The following BICRA variants were observed in gnomAD, a reference collection of about 807,000 sequenced individuals.
BICRA encodes BRD4 interacting chromatin remodeling complex associated protein.
A neutral mutation model predicts 96.9 loss-of-function variants in BICRA; 31 were observed. The observed-to-expected ratio is 0.32, with a 90% CI of 0.24 to 0.43. The LOEUF (loss-of-function observed/expected upper bound fraction) is 0.43, where lower values mean the gene tolerates loss of function less well. Ranked by LOEUF, BICRA falls within the 20% of genes least tolerant of loss-of-function variation. BICRA has a pLI of 1.00. For synonymous variants in BICRA, 1,350 were observed against 1,071.8 expected (o/e 1.26, Z -5.07); for missense variants, 2,283 against 2,190.3 (o/e 1.04, Z -0.84).
At position 47,681,071 on chromosome 19, in the gene BICRA, C is replaced by A; in HGVS notation, c.1901C>A (p.Pro634His). 1.4e-6 allele frequency: 2 copies of A among 1,440,624 alleles called. No homozygotes were observed. Among genetic ancestry groups the A allele is most frequent in the Admixed American group, 2.5e-5 (1 of 40,208 alleles). 89.2% of individuals were successfully genotyped at this position (1,440,624 alleles called of 1,614,324 possible). Residue 634 changes from proline to histidine, a missense_variant, in exon 6 of 15, where the codon CCC (proline) becomes CAC (histidine). By Grantham distance (77) the Pro-to-His change is moderately conservative. Transcript: ENST00000594866. ...APQAPPAVSTPLPLGLQQPQA... is the reference protein window; with the variant it reads ...APQAPPAVSTHLPLGLQQPQA... ...CAGGCGCCCCCCGCGGTCAGCACAC[C>A]CCTGCCCCTGGGCCTCCAGCAGCCG...
chr19:47,630,612 T>C (rs1972208392), intron 1 of BICRA, among the ~76,000 whole-genome samples: 1 of 152,178 alleles, frequency 6.6e-6, no homozygotes, highest in Admixed American at 6.6e-5. Flanking sequence ...TGTGGCTAAG[T>C]TCATCTTCCA....
intron 1 of BICRA, among the ~76,000 whole-genome samples, chr19:47,611,825 G>A (rs1026450678): frequency 1.3e-5 from 2 of 151,986 alleles, no homozygotes; most frequent in Non-Finnish European, 2.9e-5. Flanking sequence ...TCAGCAGGCC[G>A]GGTACGCAGT....
At chr19:47,690,445 G>A (rs1973223991) in intron 7 of BICRA, among the ~76,000 whole-genome samples, 1 of 152,168 alleles carries the variant, frequency 6.6e-6, no homozygotes, top group Non-Finnish European at 1.5e-5. Context: ...AATTGTGCCA[G>A]TTGAGACCCC....
chr19:47,674,807 A>G (rs1210649811), intron 4 of BICRA, among the ~76,000 whole-genome samples: 1 of 152,176 alleles, frequency 6.6e-6, no homozygotes, highest in Non-Finnish European at 1.5e-5. Context: ...GTGATCCGAG[A>G]GAGGACACAG....
chr19:47,634,299 A>G (rs12151193), intron 1 of BICRA, among the ~76,000 whole-genome samples: 44,236 of 152,014 alleles, frequency 0.29, 6,620 homozygotes, highest in Non-Finnish European at 0.32. Context: ...AGGGGGAAAG[A>G]CATCATGGAC....
At chr19:47,656,069 GACACACACACACAC>G (rs60179476) in intron 1 of BICRA, among the ~76,000 whole-genome samples, 38 of 132,154 alleles carry the variant, frequency 2.9e-4, no homozygotes, top group African/African-American at 9.1e-4. Flanking sequence ...ATCCTGTCTC[GACACACACACACAC>G]ACACACACAC....
At chr19:47,696,609 A>C in intron 11 of BICRA, 97 bp downstream of exon 11, 1 of 1,146,682 alleles carries the variant, frequency 8.7e-7, no homozygotes, top group South Asian at 1.4e-5. Flanking sequence ...GGGCAGGCCC[A>C]AGTGCCAAGC....
At chr19:47,635,772 T>C (rs1371238146) in intron 1 of BICRA, among the ~76,000 whole-genome samples, 2 of 152,190 alleles carry the variant, frequency 1.3e-5, no homozygotes, top group Non-Finnish European at 2.9e-5. Context: ...ATAGCACATA[T>C]CAGAATTCAT....
Position 47,698,214 on chromosome 19 carries a change from G to A in BICRA, c.3249-420G>A, listed in dbSNP as rs1973377867. On this transcript the variant is annotated intron_variant, in intron 11 of 14. Transcript: ENST00000594866. The surrounding 1 kb of genome is among the most constrained non-coding windows in gnomAD (Gnocchi z 4.8). ...AACATGGGCTACAAAAGCGGCCCGT[G>A]AGAAGACAGGATCCAGCCTCCCTCC... is the stretch of plus-strand genomic sequence containing the variant. Among the ~76,000 whole-genome samples the A allele has an allele frequency of 1.3e-5, 2 of 152,146 alleles. No homozygotes were observed. Among genetic ancestry groups the A allele is most frequent in the Non-Finnish European group, 2.9e-5 (2 of 68,032 alleles).
chr19:47,663,494 C>T (rs1261421219), intron 1 of BICRA: 1 of 152,194 alleles, frequency 6.6e-6, no homozygotes, highest in Non-Finnish European at 1.5e-5. Flanking sequence ...ATGGCTGCCA[C>T]AGCTCTAGTC....
chr19:47,618,943 C>T (rs940771072), intron 1 of BICRA, among the ~76,000 whole-genome samples: 2 of 152,128 alleles, frequency 1.3e-5, no homozygotes, highest in Non-Finnish European at 2.9e-5. Flanking sequence ...ATGTCCACAG[C>T]GCCTGCCTCA....
At chr19:47,625,969 G>C (rs1309904416) in intron 1 of BICRA, among the ~76,000 whole-genome samples, 1 of 152,060 alleles carries the variant, frequency 6.6e-6, no homozygotes, top group East Asian at 1.9e-4. Context: ...GCAAATGGTG[G>C]TTCTTAATTT....
chr19:47,671,744 GTAGA>G (rs1046038553), intron 2 of BICRA, among the ~76,000 whole-genome samples: 2 of 142,856 alleles, frequency 1.4e-5, no homozygotes, highest in African/African-American at 2.6e-5. Context: ...GGATGGGTAG[GTAGA>G]TGGATGGAAG....
chr19:47,661,078 G>T (rs567264829), intron 1 of BICRA, among the ~76,000 whole-genome samples: 1 of 152,150 alleles, frequency 6.6e-6, no homozygotes, highest in East Asian at 1.9e-4. Flanking sequence ...AGCTGGGCGT[G>T]GTTGTGGCGC....
intron 9 of BICRA, 24 bp downstream of exon 9, chr19:47,695,104 C>T (rs959798664): frequency 1.8e-5 from 26 of 1,453,398 alleles, no homozygotes; most frequent in Non-Finnish European, 2.4e-5. Flanking sequence ...CGCCTATGTG[C>T]CCAGGGAGAC....
In BICRA at chr19:47,671,048, C is replaced by T. The variant is rs147549770; in HGVS notation, c.-6+504C>T. 4.7e-4 allele frequency among the ~76,000 whole-genome samples: 71 copies of T among 152,314 alleles called. 1 individual carries two copies. The East Asian group carries it at 9.9e-3, about 21-fold the overall frequency. ...TGGAGATGCATGTGTCTCTGTGCTG[C>T]AGGGAGGGTGATCCGTGAACCCTGG... On this transcript the variant is annotated intron_variant, in intron 2 of 14. Coordinates refer to ENST00000594866, the MANE Select transcript of BICRA (RefSeq NM_001394372.1).
At position 47,679,872 on chromosome 19, in the gene BICRA, C is replaced by T; in HGVS notation, c.702C>T (p.Pro234=). 6.6e-7 allele frequency: 1 copy of T among 1,517,070 alleles called. No homozygotes were observed. Among genetic ancestry groups the T allele is most frequent in the Non-Finnish European group, 8.8e-7 (1 of 1,138,550 alleles). The allele number at this position is 1,517,070 out of a possible 1,614,324, so 94.0% of individuals were successfully genotyped here. Residue 234 remains proline, a synonymous_variant, in exon 6 of 15, where the codon CCC becomes CCT. Transcript: ENST00000594866. The stretch of plus-strand genomic sequence containing the variant: ...CGGCGGCCACACTGGGCCTGGCGCC[C>T]ATCCAGGTGGTGGGCCAGCCCGTCA... The part of the protein sequence containing the change: ...GATAATLGLA[P]IQVVGQPVMA...
chr19:47,639,172 T>A (rs1283234538), intron 1 of BICRA, among the ~76,000 whole-genome samples: 2 of 150,678 alleles, frequency 1.3e-5, no homozygotes, highest in Admixed American at 6.6e-5. Flanking sequence ...CCTGACTAAT[T>A]TTTTTTCATA....
chr19:47,682,159 G>A lies in BICRA; in HGVS notation c.2283+7G>A. The A allele has an allele frequency of 7.3e-7, 1 of 1,367,764 alleles. No individual in the cohort carries two copies. Among genetic ancestry groups the A allele is most frequent in the Non-Finnish European group, 1.0e-6 (1 of 999,186 alleles). The allele number at this position is 1,367,764 out of a possible 1,614,324, so 84.7% of individuals were successfully genotyped here. On this transcript the variant is annotated splice_region_variant and intron_variant, in intron 7 of 14. Transcript: ENST00000594866. Reference sequence around the variant, plus strand: ...CCCGGCTCCGGCCCCCCAGGTAGAGGGACCCCAGCAGCCTGTGTCCGCAGC... The same window carrying A: ...CCCGGCTCCGGCCCCCCAGGTAGAGAGACCCCAGCAGCCTGTGTCCGCAGC...
Sources: gnomAD v4.1 joint callset for allele counts (sites outside exome capture counted in the v4.1 genomes callset) on GRCh38, gnomAD v4.1.1 for gene constraint, Gnocchi (gnomAD v3.1) non-coding constraint, MANE v1.5 for transcripts, NCBI Gene and HGNC (gene_info 2026-07-23, HGNC 2026-07-21) for gene names.